Variants in UBA6 observed in about 807,000 individuals in gnomAD.
The protein encoded by UBA6 is ubiquitin-like modifier-activating enzyme 6.
UBA6 carries 87 observed loss-of-function variants against 148.3 expected under a neutral mutation model. That is an observed-to-expected ratio of 0.59 (90% CI 0.49 to 0.70). UBA6 has a LOEUF of 0.70. Among genes scored for constraint, UBA6 ranks in the 30% least tolerant of loss-of-function variants. UBA6 has a pLI of 0.00. For missense variants in UBA6, 1,186 were observed against 1,241.2 expected, an observed-to-expected ratio of 0.96 and a Z score of 0.67; for synonymous variants, 376 against 401.0, an observed-to-expected ratio of 0.94 and a Z score of 0.75.
chr4:67,648,426 C>CCAT (rs1467092311), intron 14 of UBA6, among the ~76,000 whole-genome samples: 1 of 149,314 alleles, frequency 6.7e-6, no homozygotes, highest in East Asian at 2.0e-4. Flanking sequence ...TAACATCGCG[C>CCAT]CATTGCACTC....
At chr4:67,622,003 G>A (rs748393371) in intron 32 of UBA6, among the ~76,000 whole-genome samples, 3 of 152,136 alleles carry the variant, frequency 2.0e-5, no homozygotes, top group Non-Finnish European at 4.4e-5. Flanking sequence ...ACTTGGCCAG[G>A]TCACTGTCTC....
chr4:67,691,870 T>C (rs959051870), intron 2 of UBA6, among the ~76,000 whole-genome samples: 6 of 152,136 alleles, frequency 3.9e-5, no homozygotes, highest in African/African-American at 1.2e-4. Context: ...TGTGAAAGAT[T>C]TTTTTATCTT....
intron 1 of UBA6, among the ~76,000 whole-genome samples, chr4:67,700,278 C>G (rs958327123): frequency 2.0e-5 from 3 of 152,194 alleles, no homozygotes; most frequent in Non-Finnish European, 4.4e-5. Flanking sequence ...TTTACAAAGT[C>G]TCACATCAGC....
Position 67,673,745 on chromosome 4 carries a change from C to T in UBA6, c.498G>A (p.Leu166=). The change falls in exon 7 of 33, where the codon TTG becomes TTA. Residue 166 remains leucine (L), a synonymous_variant. Coordinates refer to ENST00000322244, the MANE Select transcript of UBA6 (RefSeq NM_018227.6). ...GGCAAAAGTCATTGATCTTCTTCTG[C>T]AATGGAAGTTTCATCTCAGTCAATA... is the stretch of plus-strand genomic sequence containing the variant. ...CVVLTEMKLP[L]QKKINDFCRS... 7 of 1,611,944 alleles carry T rather than the reference C, an allele frequency of 4.3e-6. No individual in the cohort carries two copies. The highest frequency in any genetic ancestry group is 5.1e-6 in the Non-Finnish European group (6 of 1,178,590).
chr4:67,624,254 C>T lies in UBA6; in HGVS notation c.2713-1G>A, dbSNP rs1420344352. The T allele has an allele frequency of 1.3e-6, 2 of 1,594,814 alleles. No individual in the cohort carries two copies. Among genetic ancestry groups the T allele is most frequent in the East Asian group, 2.2e-5 (1 of 44,480 alleles). ...TTACTTTGATCATCTCCAAGGCAACCTAGATAAAAGAAGGTGATCTGATAA... is the reference window on the plus strand; with the variant it reads ...TTACTTTGATCATCTCCAAGGCAACTTAGATAAAAGAAGGTGATCTGATAA... On this transcript the variant is annotated splice_acceptor_variant, in intron 29 of 32. Coordinates refer to ENST00000322244, the MANE Select transcript of UBA6 (RefSeq NM_018227.6). LOFTEE classifies it high-confidence loss of function.
intron 12 of UBA6, chr4:67,662,494 T>C: frequency 2.7e-6 from 1 of 376,302 alleles, no homozygotes; most frequent in Non-Finnish European, 4.7e-6. Flanking sequence ...TTTGAGACAG[T>C]CTCACTGTCA....
intron 20 of UBA6, 22 bp downstream of exon 20, chr4:67,635,431 T>G: frequency 1.4e-6 from 2 of 1,381,036 alleles, no homozygotes; most frequent in Non-Finnish European, 2.0e-6. Flanking sequence ...AGACATCTAT[T>G]TCAAAATATT....
rs904768653 is a variant in UBA6, at chr4:67,612,989, G to T, written c.*6008C>A. On this transcript the variant is annotated 3_prime_UTR_variant, in exon 33 of 33. Transcript: ENST00000322244. ...GAAGTTGAGTAGATAGAGCTAAGGG[G>T]CTAAAGATTCAAAAAGAGTCCAGGG... 4 of 152,230 alleles carry T rather than the reference G, an allele frequency of 2.6e-5. No individual in the cohort carries two copies. Among genetic ancestry groups the T allele is most frequent in the Non-Finnish European group, 5.9e-5 (4 of 68,070 alleles). 9.4% of individuals were successfully genotyped at this position (152,230 alleles called of 1,614,324 possible).
chr4:67,642,274 T>C (rs559609495), intron 17 of UBA6, among the ~76,000 whole-genome samples: 1 of 152,180 alleles, frequency 6.6e-6, no homozygotes, highest in African/African-American at 2.4e-5. Flanking sequence ...GTGCCTAATG[T>C]TATGTGGTTA....
chr4:67,672,057 T>C (rs114987789), intron 7 of UBA6, among the ~76,000 whole-genome samples: 1,915 of 152,146 alleles, frequency 0.013, 41 homozygotes, highest in African/African-American at 0.042. Context: ...CCAACTCTTT[T>C]GTCTAAGATA....
chr4:67,681,792 G>A (rs1346227043), intron 3 of UBA6, among the ~76,000 whole-genome samples: 1 of 152,112 alleles, frequency 6.6e-6, no homozygotes, highest in Admixed American at 6.6e-5. Flanking sequence ...AACACCCAGA[G>A]ATAATCACTC....
At chr4:67,673,515 A>G (rs1354836494) in intron 7 of UBA6, among the ~76,000 whole-genome samples, 182 bp downstream of exon 7, 5 of 152,018 alleles carry the variant, frequency 3.3e-5, no homozygotes, top group African/African-American at 1.2e-4. Flanking sequence ...CAATCTGTCT[A>G]TAAACCAAAC....
chr4:67,659,945 A>G (rs1223005679), intron 13 of UBA6, among the ~76,000 whole-genome samples: 2 of 152,178 alleles, frequency 1.3e-5, no homozygotes, highest in Non-Finnish European at 2.9e-5. Flanking sequence ...TTTAGTAAAG[A>G]GACTGGTGGC....
chr4:67,651,343 C>T (rs899736029), intron 13 of UBA6, among the ~76,000 whole-genome samples: 2 of 152,134 alleles, frequency 1.3e-5, no homozygotes, highest in African/African-American at 4.8e-5. Flanking sequence ...ACATTTGACT[C>T]TGCATATCAA....
chr4:67,699,978 C>A (rs2220136), intron 1 of UBA6, among the ~76,000 whole-genome samples: 34,190 of 152,072 alleles, frequency 0.22, 4,026 homozygotes, highest in Middle Eastern at 0.3. Context: ...CCTTGCATGG[C>A]GGGGGCAATA....
intron 28 of UBA6, 120 bp downstream of exon 28, chr4:67,626,236 AAATC>A (rs1295546160): frequency 1.1e-5 from 7 of 664,354 alleles, no homozygotes; most frequent in Middle Eastern, 4.0e-4. Context: ...TATGATCATG[AAATC>A]AATCAATATT....
rs779852333 is a variant in UBA6 at position 67,638,950 on chromosome 4, C to T, written c.1729G>A (p.Val577Ile). 137 of 1,602,310 alleles carry T rather than the reference C, an allele frequency of 8.6e-5. No homozygotes were observed. In the Admixed American group the frequency reaches 2.0e-3, roughly 23 times the overall value. Residue 577 changes from valine to isoleucine, a missense_variant, in exon 19 of 33, where the codon GTA (valine) becomes ATA (isoleucine). Transcript: ENST00000322244. ...TGAATTTCAAGAACATACCTGTCTA[C>T]GTATCTCCTGGCTTCCACATTATCT... ...ALDNVEARRY[V>I]DSRCLANLRP...
chr4:67,630,205 TAAAAC>T (rs1016596020), intron 26 of UBA6, among the ~76,000 whole-genome samples: 76 of 152,296 alleles, frequency 5.0e-4, no homozygotes, highest in African/African-American at 1.8e-3. Flanking sequence ...TAAATATTCT[TAAAAC>T]AAAGTTTAAC....
chr4:67,646,862 A>G, intron 14 of UBA6, 71 bp from the exon 15 acceptor site: 1 of 908,008 alleles, frequency 1.1e-6, no homozygotes, highest in Non-Finnish European at 1.6e-6. Flanking sequence ...GCTCCTTTAT[A>G]GTTATTTAAT....
Sources: gnomAD v4.1 joint callset for allele counts (sites outside exome capture counted in the v4.1 genomes callset) on GRCh38, gnomAD v4.1.1 for gene constraint, MANE v1.5 for transcripts, NCBI Gene and HGNC (gene_info 2026-07-23, HGNC 2026-07-21) for gene names.